Variants in PEMT observed in about 807,000 individuals in gnomAD.
The protein encoded by PEMT is phosphatidylethanolamine N-methyltransferase.
A neutral mutation model predicts 27.4 loss-of-function variants in PEMT; 23 were observed. That is an observed-to-expected ratio of 0.84 (90% CI 0.60 to 1.19). PEMT has a LOEUF of 1.19. Ranked by LOEUF, PEMT falls within the 50% of genes most tolerant of loss-of-function variation. PEMT has a pLI of 0.00. For missense variants in PEMT, 307 were observed against 310.1 expected, an observed-to-expected ratio of 0.99 and a Z score of 0.07; for synonymous variants, 137 against 139.1, an observed-to-expected ratio of 0.98 and a Z score of 0.11.
chr17:17,568,682 C>T (rs1041170911), intron 2 of PEMT, among the ~76,000 whole-genome samples: 6 of 152,216 alleles, frequency 3.9e-5, no homozygotes, highest in Admixed American at 1.3e-4. Flanking sequence ...CACTCAGAAA[C>T]GAGCCATAGA....
At chr17:17,527,465 G>A (rs1907755878) in intron 2 of PEMT, among the ~76,000 whole-genome samples, 1 of 152,230 alleles carries the variant, frequency 6.6e-6, no homozygotes, top group Non-Finnish European at 1.5e-5. Context: ...CAGGTTCTGG[G>A]CTCAAACACC....
At chr17:17,509,352 C>T in intron 5 of PEMT, 82 bp downstream of exon 5, 1 of 876,226 alleles carries the variant, frequency 1.1e-6, no homozygotes, top group Non-Finnish European at 1.8e-6. Flanking sequence ...TCCAGGGGCC[C>T]TGGCCCCCGC....
At chr17:17,554,245 G>A (rs4646376) in intron 2 of PEMT, among the ~76,000 whole-genome samples, 21 of 152,342 alleles carry the variant, frequency 1.4e-4, no homozygotes, top group East Asian at 9.6e-4. Context: ...CCTCCCCTCA[G>A]CCACAAGGCA....
rs1027849897 is a variant in PEMT, at chr17:17,588,456, A to G, written c.96+3075T>C. ...CCAGGTCTCTCAGCCTTCTGAATACAAGGGCTTTGCCTTCTTGAGGACCAC... is the reference window on the plus strand; with the variant it reads ...CCAGGTCTCTCAGCCTTCTGAATACGAGGGCTTTGCCTTCTTGAGGACCAC... On this transcript the variant is annotated intron_variant, in intron 1 of 6. Transcript: ENST00000255389. Among the ~76,000 whole-genome samples the G allele has an allele frequency of 2.6e-5, 4 of 152,156 alleles. No individual in the cohort carries two copies. The East Asian group carries it at 5.8e-4, about 22-fold the overall frequency.
At chr17:17,553,957 A>G (rs963395184) in intron 2 of PEMT, among the ~76,000 whole-genome samples, 2 of 152,118 alleles carry the variant, frequency 1.3e-5, no homozygotes, top group African/African-American at 4.8e-5. Context: ...GAGCACACCC[A>G]GCCAGGGGTG....
At chr17:17,538,563 G>GA (rs35655048) in intron 2 of PEMT, among the ~76,000 whole-genome samples, 2 of 150,588 alleles carry the variant, frequency 1.3e-5, no homozygotes, top group Non-Finnish European at 1.5e-5. Flanking sequence ...TCCAAAAAAA[G>GA]AAAAAAAAAA....
At chr17:17,536,146 G>C (rs958703475) in intron 2 of PEMT, among the ~76,000 whole-genome samples, 1 of 152,226 alleles carries the variant, frequency 6.6e-6, no homozygotes. Context: ...CACTGGCACA[G>C]GGCCTGCTGC....
intron 2 of PEMT, among the ~76,000 whole-genome samples, chr17:17,534,626 C>T (rs1417605788): frequency 1.3e-5 from 2 of 152,170 alleles, no homozygotes; most frequent in African/African-American, 2.4e-5. Flanking sequence ...TGCTTGAACC[C>T]AGGAGTTTGA....
intron 1 of PEMT, among the ~76,000 whole-genome samples, chr17:17,580,242 G>C (rs1295339841): frequency 1.3e-5 from 2 of 152,090 alleles, no homozygotes; most frequent in Admixed American, 6.6e-5. Context: ...CACTTTGGGA[G>C]GCTAGGCAGG....
At chr17:17,507,177 C>T (rs755251667) in intron 5 of PEMT, 8 of 1,560,674 alleles carry the variant, frequency 5.1e-6, no homozygotes, top group Non-Finnish European at 6.9e-6. Flanking sequence ...ACCTCTGATC[C>T]CACAGCTCCC....
At position 17,531,739 on chromosome 17, in the gene PEMT, C is replaced by T. The variant is rs553369960; in HGVS notation, c.205-9344G>A. The stretch of plus-strand genomic sequence containing the variant: ...AACCTAAATCTATATATAAATATAT[C>T]AATCTAAATATATAAAGCCTTCTAA... On this transcript the variant is annotated intron_variant, in intron 2 of 6. Coordinates refer to ENST00000255389, the MANE Select transcript of PEMT (RefSeq NM_148172.3). 2.0e-3 allele frequency among the ~76,000 whole-genome samples: 300 copies of T among 149,378 alleles called. 3 individuals are homozygous for T. Among genetic ancestry groups the T allele is most frequent in the African/African-American group, 7.1e-3 (289 of 40,882 alleles).
intron 2 of PEMT, among the ~76,000 whole-genome samples, chr17:17,526,591 T>C (rs1424507413): frequency 1.3e-5 from 2 of 152,226 alleles, no homozygotes; most frequent in South Asian, 2.1e-4. Flanking sequence ...GATTTCCTTC[T>C]GGGTCCCACT....
intron 1 of PEMT, 63 bp downstream of exon 1, chr17:17,591,468 C>CA (rs1231964215): frequency 7.4e-7 from 1 of 1,360,412 alleles, no homozygotes; most frequent in East Asian, 2.6e-5. Context: ...CGCAAGCCTT[C>CA]ACGCCCCTCG....
rs970400770 is a variant in PEMT, at chr17:17,513,736, C to A, written c.321-1082G>T. Among the ~76,000 whole-genome samples, 2 of 152,018 alleles carry A rather than the reference C, an allele frequency of 1.3e-5. No individual in the cohort carries two copies. Among genetic ancestry groups the A allele is most frequent in the African/African-American group, 2.4e-5 (1 of 41,358 alleles). On this transcript the variant is annotated intron_variant, in intron 3 of 6. Transcript: ENST00000255389. The surrounding 1 kb of genome is among the most constrained non-coding windows in gnomAD (Gnocchi z 4.1). ...CAGGGGCTAGGCATGTGCTGATGTA[C>A]CCAGGCCTCATCACAGGGGAGCGGG...
At chr17:17,525,918 C>T (rs1432967413) in intron 2 of PEMT, among the ~76,000 whole-genome samples, 1 of 152,082 alleles carries the variant, frequency 6.6e-6, no homozygotes, top group African/African-American at 2.4e-5. Context: ...CGCTTGAACC[C>T]GGGAGGCAGA....
intron 5 of PEMT, chr17:17,507,491 G>A: frequency 2.1e-6 from 1 of 471,696 alleles, no homozygotes; most frequent in Non-Finnish European, 3.8e-6. Context: ...GGGAGCTGCA[G>A]GAGGCAGGGC....
chr17:17,534,062 TACC>T (rs1245737475), intron 2 of PEMT, among the ~76,000 whole-genome samples: 2 of 152,098 alleles, frequency 1.3e-5, no homozygotes, highest in Non-Finnish European at 2.9e-5. Context: ...TGCACACACC[TACC>T]ACCACATGAC....
rs1171341427 is a variant in PEMT, at chr17:17,540,775, G to A, written c.205-18380C>T. ...CACCCTCTCCTGCAGTGACCCCCTC[G>A]CTCCCCCACCTTGGACAGCACCTGG... On this transcript the variant is annotated intron_variant, in intron 2 of 6. Transcript: ENST00000255389. Among the ~76,000 whole-genome samples the A allele has an allele frequency of 3.3e-5, 5 of 152,082 alleles. No homozygotes were observed. The South Asian group carries it at 8.3e-4, about 25-fold the overall frequency.
At chr17:17,532,845 T>C (rs1427362204) in intron 2 of PEMT, among the ~76,000 whole-genome samples, 1 of 152,198 alleles carries the variant, frequency 6.6e-6, no homozygotes, top group Non-Finnish European at 1.5e-5. Flanking sequence ...CTGGCCAACA[T>C]GGCGAAACCT....
Sources: gnomAD v4.1 joint callset for allele counts (sites outside exome capture counted in the v4.1 genomes callset) on GRCh38, gnomAD v4.1.1 for gene constraint, Gnocchi (gnomAD v3.1) non-coding constraint, MANE v1.5 for transcripts, NCBI Gene and HGNC (gene_info 2026-07-23, HGNC 2026-07-21) for gene names.